ARHGEF10L: variants seen among roughly 807,000 people sequenced by gnomAD.
The protein encoded by ARHGEF10L is Rho guanine nucleotide exchange factor 10 like, also known as rho guanine nucleotide exchange factor 10-like protein.
Under a neutral mutation model 141.2 loss-of-function variants are expected in ARHGEF10L, and 69 were observed. The ratio of observed to expected loss-of-function variants is 0.49; its 90% confidence interval spans 0.40 to 0.60. ARHGEF10L has a LOEUF of 0.60. Among genes scored for constraint, ARHGEF10L ranks in the 20% least tolerant of loss-of-function variants. The probability of loss-of-function intolerance (pLI) is 0.00; values close to 1 mark genes in which losing one functional copy is unlikely to be tolerated. For synonymous variants in ARHGEF10L, 711 were observed against 718.5 expected (o/e 0.99, Z 0.17); for missense variants, 1,482 against 1,734.3 (o/e 0.85, Z 2.58).
intron 25 of ARHGEF10L, among the ~76,000 whole-genome samples, chr1:17,661,713 G>A (rs1017870664): frequency 2.0e-5 from 3 of 152,206 alleles, no homozygotes; most frequent in Non-Finnish European, 4.4e-5. Context: ...AGCCTAATTA[G>A]ACTCCAGCTT....
At chr1:17,565,448 T>C (rs1288524219) in intron 1 of ARHGEF10L, among the ~76,000 whole-genome samples, 1 of 152,200 alleles carries the variant, frequency 6.6e-6, no homozygotes, top group Non-Finnish European at 1.5e-5. Context: ...ATGCTTTTGG[T>C]CACCCTTTCA....
At chr1:17,568,314 C>T (rs2077846296) in intron 1 of ARHGEF10L, among the ~76,000 whole-genome samples, 1 of 152,198 alleles carries the variant, frequency 6.6e-6, no homozygotes, top group Non-Finnish European at 1.5e-5. Flanking sequence ...ATCATTAGAA[C>T]AGCCCTGTGC....
the ARHGEF10L span, among the ~76,000 whole-genome samples, chr1:17,523,626 A>G: frequency 6.6e-6 from 1 of 152,182 alleles, no homozygotes; most frequent in Non-Finnish European, 1.5e-5. Flanking sequence ...AAGGTCACAC[A>G]CTGTTCATGG....
chr1:17,613,545 G>A lies in ARHGEF10L; in HGVS notation c.726+371G>A, dbSNP rs544720000. ...AAGGGTGCCACTTACGTAGGTCTGGGACGAGGCTCAGGAATCTGCACATTT... is the reference window on the plus strand; with the variant it reads ...AAGGGTGCCACTTACGTAGGTCTGGAACGAGGCTCAGGAATCTGCACATTT... On this transcript the variant is annotated intron_variant, in intron 8 of 28. Transcript: ENST00000361221. Among the ~76,000 whole-genome samples, 75 of 152,168 alleles carry A rather than the reference G, an allele frequency of 4.9e-4. No individual in the cohort carries two copies. In the Middle Eastern group the frequency reaches 0.01, roughly 21 times the overall value.
chr1:17,571,226 C>A (rs547521904), intron 1 of ARHGEF10L, among the ~76,000 whole-genome samples: 26 of 151,986 alleles, frequency 1.7e-4, no homozygotes, highest in Non-Finnish European at 3.4e-4. Flanking sequence ...GGAGCTGGAG[C>A]GAGACGTGAA....
chr1:17,629,939 G>T (rs148705956), intron 15 of ARHGEF10L, among the ~76,000 whole-genome samples: 1 of 152,216 alleles, frequency 6.6e-6, no homozygotes, highest in Non-Finnish European at 1.5e-5. Flanking sequence ...GGGAAGAGCC[G>T]TTCTGCCCTC....
chr1:17,561,025 T>C (rs1256931591), intron 1 of ARHGEF10L, among the ~76,000 whole-genome samples: 1 of 152,190 alleles, frequency 6.6e-6, no homozygotes, highest in Non-Finnish European at 1.5e-5. Context: ...AGCTGTGTGG[T>C]CTTGGGCAGG....
chr1:17,532,304 A>G, the ARHGEF10L span, among the ~76,000 whole-genome samples: 1 of 152,154 alleles, frequency 6.6e-6, no homozygotes. Context: ...GGGTTGGAGC[A>G]GTAATCTGAT....
At chr1:17,652,116 T>C (rs1331910682) in intron 22 of ARHGEF10L, among the ~76,000 whole-genome samples, 2 of 152,152 alleles carry the variant, frequency 1.3e-5, no homozygotes, top group East Asian at 1.9e-4. Flanking sequence ...CCCAGACTAT[T>C]TGTCTAGGGA....
chr1:17,667,138 G>A (rs929916579), intron 26 of ARHGEF10L, among the ~76,000 whole-genome samples: 2 of 152,242 alleles, frequency 1.3e-5, no homozygotes, highest in African/African-American at 4.8e-5. Flanking sequence ...GTATACTGGT[G>A]GACAGGTGCT....
intron 1 of ARHGEF10L, among the ~76,000 whole-genome samples, chr1:17,556,315 G>A (rs1270778333): frequency 6.8e-6 from 1 of 147,188 alleles, no homozygotes; most frequent in African/African-American, 2.5e-5. Context: ...GGGAGCACGG[G>A]GGTGGGCCTG....
At chr1:17,519,338 C>T in the ARHGEF10L span, among the ~76,000 whole-genome samples, 8 of 149,060 alleles carry the variant, frequency 5.4e-5, no homozygotes, top group Admixed American at 2.7e-4. Context: ...TGGATGGGCA[C>T]GTGGCTCACA....
chr1:17,681,354 G>T (rs866302067), intron 26 of ARHGEF10L, among the ~76,000 whole-genome samples: 7 of 152,162 alleles, frequency 4.6e-5, no homozygotes, highest in African/African-American at 1.7e-4. Context: ...TACTGTCCAG[G>T]TACAGGTTTT....
At chr1:17,634,499 C>T in intron 16 of ARHGEF10L, 49 bp from the exon 17 acceptor site, 1 of 1,614,162 alleles carries the variant, frequency 6.2e-7, no homozygotes, top group Non-Finnish European at 8.5e-7. Context: ...CCAGATTAGC[C>T]ACTCCATTGT....
the ARHGEF10L span, among the ~76,000 whole-genome samples, chr1:17,530,255 T>C: frequency 1.6e-4 from 25 of 152,298 alleles, no homozygotes; most frequent in African/African-American, 4.3e-4. Flanking sequence ...CTAACTATCA[T>C]GCTGGCTTAC....
chr1:17,519,821 C>T, the ARHGEF10L span, among the ~76,000 whole-genome samples: 3 of 150,734 alleles, frequency 2.0e-5, no homozygotes, highest in Admixed American at 6.6e-5. Context: ...CCAGCCTGGG[C>T]GATGACCAGA....
chr1:17,608,010 C>A lies in ARHGEF10L; in HGVS notation c.609+33C>A. The A allele has an allele frequency of 2.3e-6, 3 of 1,328,036 alleles. No homozygotes were observed. The South Asian group carries it at 5.1e-5, about 23-fold the overall frequency. 82.3% of individuals were successfully genotyped at this position (1,328,036 alleles called of 1,614,324 possible). A position where few individuals can be genotyped will look rare whatever the true frequency, so the allele number is the denominator to read the frequency against. ...GACCGGGGGTGTCGCTCACCTCAGT[C>A]AGGGCACGGAGACCCCTTCAGGGAG... On this transcript the variant is annotated intron_variant, in intron 7 of 28. Coordinates refer to ENST00000361221, the MANE Select transcript of ARHGEF10L (RefSeq NM_018125.4).
At chr1:17,570,910 G>A (rs183401200) in intron 1 of ARHGEF10L, among the ~76,000 whole-genome samples, 22 of 152,232 alleles carry the variant, frequency 1.4e-4, no homozygotes, top group Middle Eastern at 3.4e-3. Context: ...TGGTGGGATG[G>A]TGCTAGCAAG....
chr1:17,607,729 T>G lies in ARHGEF10L; in HGVS notation c.434-73T>G. ...CCCTCGCCCCACCTGGGTTCAGAAA[T>G]TGGGTCTGAGGCTGGAAGTCTGGTA... On this transcript the variant is annotated intron_variant, in intron 6 of 28. Transcript: ENST00000361221. This position sits in a 1 kb window ranked among gnomAD's most constrained non-coding sequence, Gnocchi z 4.5. 7.2e-7 allele frequency: 1 copy of G among 1,382,526 alleles called. No homozygotes were observed. Among genetic ancestry groups the G allele is most frequent in the Non-Finnish European group, 9.4e-7 (1 of 1,063,282 alleles). The allele number at this position is 1,382,526 out of a possible 1,614,324, so 85.6% of individuals were successfully genotyped here.
Sources: allele counts gnomAD v4.1 joint callset (sites outside exome capture counted in the v4.1 genomes callset), GRCh38; gene constraint gnomAD v4.1.1; non-coding constraint Gnocchi (gnomAD v3.1); transcripts MANE v1.5; gene names NCBI Gene and HGNC (gene_info 2026-07-23, HGNC 2026-07-21).